DHRSX: variants seen among roughly 807,000 people sequenced by gnomAD.
DHRSX encodes the protein polyprenol dehydrogenase.
In DHRSX, 31 loss-of-function variants were observed where a neutral mutation model predicts 34.0. That is an observed-to-expected ratio of 0.91 (90% CI 0.69 to 1.23). The LOEUF is 1.23. DHRSX is among the 50% of genes most tolerant of loss of function. The pLI is 0.00. For missense variants in DHRSX, 414 were observed against 428.1 expected (o/e 0.97, Z 0.29); for synonymous variants, 201 against 183.8 (o/e 1.09, Z -0.76).
intron 1 of DHRSX, among the ~76,000 whole-genome samples, chrX:2,471,512 C>A (rs139113009): frequency 6.6e-6 from 1 of 150,896 alleles, no homozygotes; most frequent in African/African-American, 2.4e-5. Context: ...TGCAGTGAGC[C>A]GAGATTGAGC....
At chrX:2,457,952 ACATTCC>A in intron 1 of DHRSX, among the ~76,000 whole-genome samples, 1 of 150,820 alleles carries the variant, frequency 6.6e-6, no homozygotes, top group East Asian at 2.0e-4. Context: ...CAAACTGAAG[ACATTCC>A]CTAAGCTTGT....
At position 2,490,080 on chromosome X, in the gene DHRSX, C is replaced by T. The variant is rs766286048; in HGVS notation, c.109+10737G>A. The T allele has an allele frequency of 3.7e-6, 6 of 1,613,646 alleles. No individual in the cohort carries two copies. In the Admixed American group the frequency reaches 5.0e-5, roughly 13 times the overall value. ...GCGCCCAGGCCCAGGAAGTGGGCGG[C>T]CAGCGTGACGTAGGCGCGGTTCTGA... On this transcript the variant is annotated intron_variant, in intron 1 of 6. Transcript: ENST00000334651.
At chrX:2,486,845 C>T (rs1432427749) in intron 1 of DHRSX, 1 of 152,246 alleles carries the variant, frequency 6.6e-6, no homozygotes, top group Admixed American at 6.5e-5. Flanking sequence ...TAAACCGGCT[C>T]AGGACGTAAG....
intron 3 of DHRSX, among the ~76,000 whole-genome samples, chrX:2,368,519 T>C (rs1447530785): frequency 1.3e-5 from 2 of 151,938 alleles, no homozygotes; most frequent in Non-Finnish European, 2.9e-5. Flanking sequence ...AAAACATAAA[T>C]GGTTGTATTC....
At chrX:2,347,790 T>C (rs776559204) in intron 3 of DHRSX, among the ~76,000 whole-genome samples, 8 of 152,316 alleles carry the variant, frequency 5.3e-5, no homozygotes, top group Admixed American at 4.6e-4. Flanking sequence ...TGTTTTTCAG[T>C]TGCCATAATG....
At chrX:2,221,304 G>T (rs2015515018) in intron 6 of DHRSX, 75 bp from the exon 7 acceptor site, 2 of 1,447,178 alleles carry the variant, frequency 1.4e-6, no homozygotes, top group Non-Finnish European at 1.9e-6. Flanking sequence ...GACTCACATG[G>T]ATGCTGCAGG....
chrX:2,458,008 C>G (rs1299821901), intron 1 of DHRSX, among the ~76,000 whole-genome samples: 1 of 152,002 alleles, frequency 6.6e-6, no homozygotes, highest in Non-Finnish European at 1.5e-5. Context: ...GAAGACGTTC[C>G]CTAAGAATGC....
chrX:2,274,707 A>C (rs2041601673), intron 4 of DHRSX, among the ~76,000 whole-genome samples: 1 of 151,366 alleles, frequency 6.6e-6, no homozygotes, highest in Admixed American at 6.6e-5. Flanking sequence ...CTGGGATCCC[A>C]GGTGTGAGCC....
At chrX:2,377,111 G>C (rs2043149718) in intron 3 of DHRSX, among the ~76,000 whole-genome samples, 1 of 152,032 alleles carries the variant, frequency 6.6e-6, no homozygotes, top group Admixed American at 6.5e-5. Flanking sequence ...TTCTGGCACA[G>C]AGACTAGTTT....
intron 1 of DHRSX, among the ~76,000 whole-genome samples, chrX:2,496,129 G>T (rs867197045): frequency 5.9e-5 from 9 of 152,218 alleles, no homozygotes; most frequent in African/African-American, 2.2e-4. Context: ...CAGCGTGGTG[G>T]CGATAGTTAA....
intron 4 of DHRSX, among the ~76,000 whole-genome samples, chrX:2,269,860 G>A (rs1455563040): frequency 6.6e-6 from 1 of 152,146 alleles, no homozygotes; most frequent in Admixed American, 6.6e-5. Context: ...TTTATATGGA[G>A]ATATGTATAT....
At chrX:2,326,505 AGAGC>A (rs1366589365) in intron 3 of DHRSX, among the ~76,000 whole-genome samples, 5 of 152,184 alleles carry the variant, frequency 3.3e-5, no homozygotes, top group African/African-American at 1.2e-4. Flanking sequence ...CCTGAGTGAC[AGAGC>A]GAGACTCTGT....
intron 1 of DHRSX, among the ~76,000 whole-genome samples, chrX:2,425,620 G>A (rs758837432): frequency 2.1e-4 from 32 of 152,308 alleles, no homozygotes; most frequent in Middle Eastern, 3.4e-3. Flanking sequence ...TTACAGAGGC[G>A]AGCAAGAATC....
chrX:2,484,401 C>A (rs28460787), intron 1 of DHRSX, among the ~76,000 whole-genome samples: 15,043 of 152,098 alleles, frequency 0.099, 1,062 homozygotes, highest in South Asian at 0.25. Context: ...ATGCCAAGGA[C>A]CTCCCGCATC....
chrX:2,426,627 TTTC>T (rs1349561886), intron 1 of DHRSX, among the ~76,000 whole-genome samples: 4 of 148,888 alleles, frequency 2.7e-5, no homozygotes, highest in South Asian at 2.2e-4. Flanking sequence ...CTTTCCCTCC[TTTC>T]TTCTTTACTT....
At chrX:2,273,842 G>T (rs1417719414) in intron 4 of DHRSX, among the ~76,000 whole-genome samples, 7 of 152,192 alleles carry the variant, frequency 4.6e-5, no homozygotes, top group Non-Finnish European at 4.4e-5. Context: ...GAGCAGAGGG[G>T]ACAGTGCTTC....
At chrX:2,424,125 G>A (rs2043813991) in intron 2 of DHRSX, among the ~76,000 whole-genome samples, 1 of 152,102 alleles carries the variant, frequency 6.6e-6, no homozygotes, top group South Asian at 2.1e-4. Context: ...TCCTTATAAG[G>A]AGAGCATATG....
In DHRSX at chrX:2,220,341, G is replaced by C. The variant is rs2015494525; in HGVS notation, c.*700C>G. The C allele has an allele frequency of 6.6e-6, 1 of 152,180 alleles. No individual in the cohort carries two copies. The highest frequency in any genetic ancestry group is 1.5e-5 in the Non-Finnish European group (1 of 68,056). 9.4% of individuals were successfully genotyped at this position (152,180 alleles called of 1,614,324 possible). On this transcript the variant is annotated 3_prime_UTR_variant, in exon 7 of 7. Transcript: ENST00000334651. ...CATCTCAAAATTCTTAATTCTATCT[G>C]CAAAGATTCTTTTCCAAATAAAGTA...
chrX:2,449,467 T>C (rs2044187287), intron 1 of DHRSX, among the ~76,000 whole-genome samples: 1 of 152,088 alleles, frequency 6.6e-6, no homozygotes, highest in African/African-American at 2.4e-5. Context: ...GGACACTGAT[T>C]TTCATATTGA....
Sources: gnomAD v4.1 joint callset for allele counts (sites outside exome capture counted in the v4.1 genomes callset) on GRCh38, gnomAD v4.1.1 for gene constraint, MANE v1.5 for transcripts, NCBI Gene and HGNC (gene_info 2026-07-23, HGNC 2026-07-21) for gene names.